TMCC1: variants seen among roughly 807,000 people sequenced by gnomAD.
The protein encoded by TMCC1 is transmembrane and coiled-coil domain family 1.
TMCC1 carries 15 observed loss-of-function variants against 52.4 expected under a neutral mutation model. The ratio of observed to expected loss-of-function variants is 0.29; its 90% CI spans 0.19 to 0.44. The LOEUF (loss-of-function observed/expected upper bound fraction) is 0.44. TMCC1 is among the 20% of genes least tolerant of loss of function. TMCC1 has a pLI of 1.00. For synonymous variants in TMCC1, 279 were observed against 301.9 expected, an observed-to-expected ratio of 0.92 and a Z score of 0.79; for missense variants, 503 against 806.0, an observed-to-expected ratio of 0.62 and a Z score of 4.55.
chr3:129,826,338 C>CAA (rs63640963), intron 4 of TMCC1, among the ~76,000 whole-genome samples: 1,545 of 88,980 alleles, frequency 0.017, 25 homozygotes, highest in African/African-American at 0.059. Flanking sequence ...CTCCTCTCTA[C>CAA]AAAAAAAAAA....
chr3:129,743,005 G>T (rs2051595308), intron 4 of TMCC1, among the ~76,000 whole-genome samples: 1 of 152,162 alleles, frequency 6.6e-6, no homozygotes, highest in Non-Finnish European at 1.5e-5. Context: ...ATAGAAAATA[G>T]ATTAGTAATT....
intron 5 of TMCC1, among the ~76,000 whole-genome samples, chr3:129,656,910 A>G (rs760419178): frequency 1.3e-5 from 2 of 152,210 alleles, no homozygotes; most frequent in African/African-American, 4.8e-5. Context: ...CCAAAATTTA[A>G]GTTCACAAAA....
chr3:129,664,517 G>A (rs2087296249), intron 5 of TMCC1, among the ~76,000 whole-genome samples: 2 of 152,110 alleles, frequency 1.3e-5, no homozygotes, highest in Non-Finnish European at 2.9e-5. Flanking sequence ...ATATCCCCGG[G>A]TTTAATACAA....
At chr3:129,782,045 G>A (rs960247661) in intron 4 of TMCC1, among the ~76,000 whole-genome samples, 14 of 152,108 alleles carry the variant, frequency 9.2e-5, no homozygotes, top group African/African-American at 3.4e-4. Context: ...AAGAGAACCA[G>A]GGAGGAGAAA....
chr3:129,795,623 G>A (rs2056774365), intron 4 of TMCC1, among the ~76,000 whole-genome samples: 1 of 152,160 alleles, frequency 6.6e-6, no homozygotes, highest in Non-Finnish European at 1.5e-5. Context: ...TATAAAATTT[G>A]TATTACAATA....
At chr3:129,728,997 T>C (rs939650490) in intron 4 of TMCC1, among the ~76,000 whole-genome samples, 1 of 152,214 alleles carries the variant, frequency 6.6e-6, no homozygotes, top group African/African-American at 2.4e-5. Context: ...TTCCATTTTT[T>C]AGCAATTGTG....
At chr3:129,781,909 G>A (rs561030691) in intron 4 of TMCC1, among the ~76,000 whole-genome samples, 11 of 152,178 alleles carry the variant, frequency 7.2e-5, no homozygotes, top group African/African-American at 2.6e-4. Flanking sequence ...CAAATTTTAG[G>A]TATATTTAAA....
intron 4 of TMCC1, among the ~76,000 whole-genome samples, chr3:129,818,263 A>C (rs1306736858): frequency 3.3e-5 from 5 of 152,130 alleles, no homozygotes; most frequent in Non-Finnish European, 5.9e-5. Context: ...TTTTAAGAAA[A>C]AAAAGAAAAA....
chr3:129,693,287 A>G (rs772586348), intron 4 of TMCC1, among the ~76,000 whole-genome samples: 59 of 152,134 alleles, frequency 3.9e-4, no homozygotes, highest in Non-Finnish European at 7.2e-4. Flanking sequence ...ATGTTGGATT[A>G]TGTTCTAGAT....
intron 4 of TMCC1, among the ~76,000 whole-genome samples, chr3:129,782,451 T>G (rs1362249019): frequency 6.6e-6 from 1 of 152,216 alleles, no homozygotes; most frequent in East Asian, 1.9e-4. Context: ...AGATGAGAAC[T>G]AAGAATTGAA....
intron 4 of TMCC1, among the ~76,000 whole-genome samples, chr3:129,751,250 C>G (rs2052487307): frequency 6.6e-6 from 1 of 151,602 alleles, no homozygotes; most frequent in South Asian, 2.1e-4. Flanking sequence ...AAACTCCAGG[C>G]TGGGTACAGT....
intron 2 of TMCC1, among the ~76,000 whole-genome samples, chr3:129,846,134 T>G (rs2059655153): frequency 6.6e-6 from 1 of 152,080 alleles, no homozygotes; most frequent in Non-Finnish European, 1.5e-5. Context: ...CTTTAGTATT[T>G]GGCAGCCAAA....
chr3:129,848,539 A>G (rs1577076190), intron 2 of TMCC1: 1 of 152,032 alleles, frequency 6.6e-6, no homozygotes, highest in Non-Finnish European at 1.5e-5. Context: ...TCCCTTGCAC[A>G]CCCTTAGCTT....
intron 5 of TMCC1, among the ~76,000 whole-genome samples, chr3:129,658,011 C>G (rs959081171): frequency 6.6e-6 from 1 of 152,218 alleles, no homozygotes; most frequent in East Asian, 1.9e-4. Flanking sequence ...CATATGTATA[C>G]GAGTGTTCAC....
chr3:129,742,653 A>T (rs2051565978), intron 4 of TMCC1, among the ~76,000 whole-genome samples: 1 of 152,206 alleles, frequency 6.6e-6, no homozygotes, highest in Non-Finnish European at 1.5e-5. Flanking sequence ...AATTCCCTAA[A>T]TGATTAATCT....
At chr3:129,823,294 C>T (rs1205251567) in intron 4 of TMCC1, among the ~76,000 whole-genome samples, 1 of 151,704 alleles carries the variant, frequency 6.6e-6, no homozygotes, top group East Asian at 1.9e-4. Context: ...CCACCGCACT[C>T]CAGCCTGGGC....
chr3:129,651,390 T>A lies in TMCC1; in HGVS notation c.*91A>T. ...CAGATTCACTCAACTCTTTTTTTGT[T>A]GTAGAAAACTTCAGAGTAGGTAAGT... On this transcript the variant is annotated 3_prime_UTR_variant, in exon 7 of 7. Coordinates refer to ENST00000393238, the MANE Select transcript of TMCC1 (RefSeq NM_001017395.5). This position sits in a 1 kb window ranked among gnomAD's most constrained non-coding sequence, Gnocchi z 5.1. The A allele has an allele frequency of 2.2e-6, 3 of 1,346,262 alleles. No individual in the cohort carries two copies. In the South Asian group the frequency reaches 4.5e-5, roughly 20 times the overall value. 83.4% of individuals were successfully genotyped at this position (1,346,262 alleles called of 1,614,324 possible). A position where few individuals can be genotyped will look rare whatever the true frequency, so the allele number is the denominator to read the frequency against.
chr3:129,784,999 A>G (rs572911328), intron 4 of TMCC1, among the ~76,000 whole-genome samples: 2 of 152,290 alleles, frequency 1.3e-5, no homozygotes, highest in Admixed American at 1.3e-4. Flanking sequence ...AAAACAAAAC[A>G]GTCAGTGTAA....
chr3:129,670,321 G>A lies in TMCC1; in HGVS notation c.1511+9C>T. 2 of 1,605,846 alleles carry A rather than the reference G, an allele frequency of 1.2e-6. No individual in the cohort carries two copies. Among genetic ancestry groups the A allele is most frequent in the Non-Finnish European group, 8.5e-7 (1 of 1,175,636 alleles). On this transcript the variant is annotated intron_variant, in intron 5 of 6. Transcript: ENST00000393238. ...AAATAATTTCAGATATTAATTCCAT[G>A]TGACTTACCTATATCGCTCCTCCTG...
Sources: allele counts gnomAD v4.1 joint callset (sites outside exome capture counted in the v4.1 genomes callset), GRCh38; gene constraint gnomAD v4.1.1; non-coding constraint Gnocchi (gnomAD v3.1); transcripts MANE v1.5; gene names NCBI Gene and HGNC (gene_info 2026-07-23, HGNC 2026-07-21).